ARID4A: variants seen among roughly 807,000 people sequenced by gnomAD.
ARID4A encodes the protein AT-rich interaction domain 4A.
A neutral mutation model predicts 148.6 loss-of-function variants in ARID4A; 39 were observed. The observed-to-expected ratio is 0.26, with a 90% CI of 0.20 to 0.34. The LOEUF (loss-of-function observed/expected upper bound fraction) is 0.34. Among genes scored for constraint, ARID4A ranks in the 10% least tolerant of loss-of-function variants. The probability of loss-of-function intolerance (pLI) is 1.00; values close to 1 mark genes in which losing one functional copy is unlikely to be tolerated. For missense variants in ARID4A, 1,265 were observed against 1,449.1 expected (o/e 0.87, Z 2.06); for synonymous variants, 475 against 481.2 (o/e 0.99, Z 0.17).
intron 5 of ARID4A, among the ~76,000 whole-genome samples, chr14:58,315,205 G>A (rs569067292): frequency 2.0e-5 from 3 of 151,926 alleles, no homozygotes; most frequent in Admixed American, 1.3e-4. Flanking sequence ...ATAGTTGTTT[G>A]TATCATAATC....
rs746022251 is a variant in ARID4A at position 58,318,728 on chromosome 14, A to G, written c.372A>G (p.Pro124=). 9.3e-6 allele frequency: 15 copies of G among 1,614,004 alleles called. No homozygotes were observed. In the South Asian group the frequency reaches 9.9e-5, roughly 11 times the overall value. ...TTATACAGACACTTGACCAGCTTCC[A>G]TTAACAAATCCAGAGCATTTTGGAA... ...FAESETLDQL[P]LTNPEHFGTP... is the part of the protein sequence containing the mutation. The change falls in exon 7 of 24, where the codon CCA becomes CCG. Residue 124 remains proline, a synonymous_variant. Transcript: ENST00000355431.
At chr14:58,337,657 TGA>T in intron 11 of ARID4A, among the ~76,000 whole-genome samples, 1 of 152,300 alleles carries the variant, frequency 6.6e-6, no homozygotes. Context: ...CATAATTTTG[TGA>T]GTTTATAAAA....
chr14:58,300,626 C>T (rs188290519), intron 2 of ARID4A, among the ~76,000 whole-genome samples: 90 of 152,210 alleles, frequency 5.9e-4, no homozygotes, highest in Non-Finnish European at 1.1e-3. Flanking sequence ...CAAACTTTCT[C>T]GTGGTTTTCT....
At chr14:58,350,354 C>A (rs548693886) in intron 15 of ARID4A, among the ~76,000 whole-genome samples, 275 of 152,172 alleles carry the variant, frequency 1.8e-3, no homozygotes, top group Non-Finnish European at 2.7e-3. Context: ...CTGCTTTATT[C>A]CAAGAAGAGG....
intron 11 of ARID4A, among the ~76,000 whole-genome samples, chr14:58,338,510 C>T (rs2033944058): frequency 6.6e-6 from 1 of 151,952 alleles, no homozygotes; most frequent in Non-Finnish European, 1.5e-5. Flanking sequence ...GGGATCTGCC[C>T]ATTTCAGGGG....
intron 1 of ARID4A, 36 bp from the exon 2 acceptor site, chr14:58,299,762 G>T (rs1459473957): frequency 1.2e-5 from 19 of 1,574,506 alleles, no homozygotes; most frequent in Admixed American, 1.7e-5. Context: ...GCAGTTGACT[G>T]ATTATGTCTG....
At chr14:58,353,910 C>A (rs1294493746) in intron 17 of ARID4A, 55 bp downstream of exon 17, 1 of 1,433,402 alleles carries the variant, frequency 7.0e-7, no homozygotes, top group Non-Finnish European at 9.7e-7. Flanking sequence ...TTAAATAGAA[C>A]ATCAACTTAA....
intron 16 of ARID4A, among the ~76,000 whole-genome samples, chr14:58,352,502 CTG>C (rs570036212): frequency 2.0e-4 from 30 of 152,110 alleles, no homozygotes; most frequent in South Asian, 1.7e-3. Context: ...TTTAAAAAGA[CTG>C]TAACTCTTTT....
At chr14:58,309,310 C>T (rs1007762063) in intron 5 of ARID4A, among the ~76,000 whole-genome samples, 4 of 152,170 alleles carry the variant, frequency 2.6e-5, no homozygotes, top group African/African-American at 9.7e-5. Flanking sequence ...GTAAACAGCA[C>T]CAACTCAAGG....
At position 58,360,928 on chromosome 14, in the gene ARID4A, A is replaced by G. The variant is rs1297023612; in HGVS notation, c.1966A>G (p.Lys656Glu). The G allele has an allele frequency of 6.2e-7, 1 of 1,614,154 alleles. No homozygotes were observed. ...KNKEDSEKDE[K>E]RDEERQKSKR... ...TAAAGAAGATAGTGAAAAGGACGAA[A>G]AGAGAGATGAGGAGAGGCAGAAGTC... Residue 656 changes from lysine (K) to glutamate (E), a missense_variant, in exon 19 of 24, where the codon AAG (lysine) becomes GAG (glutamate). Lys to Glu is a moderately conservative substitution (Grantham distance 56). This residue lies in a region of ARID4A where 666 missense variants were observed against 730.9 expected (regional missense o/e 0.91). Coordinates refer to ENST00000355431, the MANE Select transcript of ARID4A (RefSeq NM_002892.4).
rs1379731208 is a variant in ARID4A at position 58,364,573 on chromosome 14, T to C, written c.2484T>C (p.Leu828=). ...AACCTCATATAGAAGCTCATAGTCT[T>C]GAATTGTCTTCATTAGACAATAAAA... ...GSEPHIEAHS[L]ELSSLDNKNF... is the part of the protein sequence containing the mutation. The change falls in exon 20 of 24, where the codon CTT becomes CTC. Residue 828 remains leucine, a synonymous_variant. Transcript: ENST00000355431. 1 of 1,612,034 alleles carries C rather than the reference T, an allele frequency of 6.2e-7. No homozygotes were observed. Among genetic ancestry groups the C allele is most frequent in the Admixed American group, 1.7e-5 (1 of 59,530 alleles).
At chr14:58,315,724 C>G (rs2032365353) in intron 5 of ARID4A, among the ~76,000 whole-genome samples, 3 of 152,180 alleles carry the variant, frequency 2.0e-5, no homozygotes, top group Admixed American at 1.3e-4. Flanking sequence ...AGACTTGACA[C>G]TATATGAATC....
At chr14:58,330,782 G>T (rs1288523320) in intron 11 of ARID4A, among the ~76,000 whole-genome samples, 1 of 152,084 alleles carries the variant, frequency 6.6e-6, no homozygotes, top group Non-Finnish European at 1.5e-5. Flanking sequence ...AGTGCTAATG[G>T]TTTTCTTTAT....
intron 8 of ARID4A, among the ~76,000 whole-genome samples, chr14:58,324,763 G>T (rs561739988): frequency 6.6e-6 from 1 of 152,196 alleles, no homozygotes; most frequent in South Asian, 2.1e-4. Context: ...TAACTGCCCT[G>T]TATTTAAGAT....
intron 15 of ARID4A, among the ~76,000 whole-genome samples, chr14:58,348,139 G>C (rs2034462675): frequency 1.3e-5 from 2 of 152,032 alleles, no homozygotes. Context: ...CCAGTCTTCT[G>C]CTAAAGTATC....
At chr14:58,323,727 T>C (rs750824025) in intron 8 of ARID4A, 110 bp downstream of exon 8, 111 of 938,446 alleles carry the variant, frequency 1.2e-4, no homozygotes, top group African/African-American at 2.2e-4. Context: ...ATTTGGACTT[T>C]ATTGGAGATT....
At chr14:58,301,098 C>T (rs2031126130) in intron 2 of ARID4A, among the ~76,000 whole-genome samples, 2 of 152,160 alleles carry the variant, frequency 1.3e-5, no homozygotes, top group South Asian at 2.1e-4. Flanking sequence ...ATGAATTTTC[C>T]AAATGATACT....
intron 2 of ARID4A, among the ~76,000 whole-genome samples, chr14:58,301,222 T>A (rs2031137926): frequency 6.6e-6 from 1 of 152,216 alleles, no homozygotes; most frequent in Non-Finnish European, 1.5e-5. Flanking sequence ...CAGGAAGCTA[T>A]AAATGAATAA....
At chr14:58,304,359 A>G (rs1247897211) in intron 3 of ARID4A, among the ~76,000 whole-genome samples, 2 of 152,216 alleles carry the variant, frequency 1.3e-5, no homozygotes, top group Non-Finnish European at 2.9e-5. Context: ...AGGTCTTACC[A>G]TACATTACCT....
Sources: gnomAD v4.1 joint callset for allele counts (sites outside exome capture counted in the v4.1 genomes callset) on GRCh38, gnomAD v4.1.1 for gene constraint, gnomAD v4.1.1 regional missense constraint, MANE v1.5 for transcripts, NCBI Gene and HGNC (gene_info 2026-07-23, HGNC 2026-07-21) for gene names.